TMEM132B: variants seen among roughly 807,000 people sequenced by gnomAD.
TMEM132B encodes transmembrane protein 132B.
TMEM132B carries 18 observed loss-of-function variants against 90.8 expected under a neutral mutation model. The observed-to-expected ratio is 0.20, with a 90% confidence interval of 0.14 to 0.29. The LOEUF is 0.29. Ranked by LOEUF, TMEM132B falls within the 10% of genes least tolerant of loss-of-function variation. The probability of loss-of-function intolerance (pLI) is 1.00; values close to 1 mark genes in which losing one functional copy is unlikely to be tolerated. For missense variants in TMEM132B, 1,096 were observed against 1,326.8 expected (o/e 0.83, Z 2.70); for synonymous variants, 504 against 523.3 (o/e 0.96, Z 0.50).
intron 1 of TMEM132B, among the ~76,000 whole-genome samples, chr12:125,281,957 G>A (rs1162738712): frequency 6.8e-6 from 1 of 147,012 alleles, no homozygotes; most frequent in Admixed American, 7.0e-5. Flanking sequence ...GAACCCGGGA[G>A]GCGGAGGTTG....
chr12:125,636,001 C>T (rs1379993387), intron 5 of TMEM132B, among the ~76,000 whole-genome samples: 1 of 152,166 alleles, frequency 6.6e-6, no homozygotes, highest in Non-Finnish European at 1.5e-5. Context: ...ATGCTCTCTG[C>T]AGCACACTGC....
intron 1 of TMEM132B, among the ~76,000 whole-genome samples, chr12:125,262,623 C>T (rs1874594452): frequency 6.6e-6 from 1 of 152,186 alleles, no homozygotes; most frequent in African/African-American, 2.4e-5. Flanking sequence ...CATTTATAAT[C>T]ATTCTTGAAC....
chr12:125,293,991 C>T (rs1293343406), intron 1 of TMEM132B, among the ~76,000 whole-genome samples: 2 of 152,210 alleles, frequency 1.3e-5, no homozygotes, highest in African/African-American at 4.8e-5. Flanking sequence ...GAAGCCCAAG[C>T]CACCCCGTTT....
At chr12:125,567,593 T>G (rs541206938) in intron 4 of TMEM132B, among the ~76,000 whole-genome samples, 15 of 152,308 alleles carry the variant, frequency 9.8e-5, no homozygotes, top group South Asian at 2.1e-4. Flanking sequence ...CAGGAAGGCT[T>G]ATTCATATTT....
Position 125,654,257 on chromosome 12 carries a change from C to T in TMEM132B, c.2799C>T (p.His933=). 1.2e-6 allele frequency: 2 copies of T among 1,614,058 alleles called. No individual in the cohort carries two copies. Among genetic ancestry groups the T allele is most frequent in the South Asian group, 1.1e-5 (1 of 91,068 alleles). The change falls in exon 9 of 9, where the codon CAC becomes CAT. Residue 933 remains histidine, a synonymous_variant. Transcript: ENST00000682704. This position sits in a 1 kb window ranked among gnomAD's most constrained non-coding sequence, Gnocchi z 5.8. ...NCVAFAWKYR[H]KRFAVSEQGN... ...TGGCGTTTGCCTGGAAATACAGACA[C>T]AAAAGGTTTGCTGTGAGTGAGCAGG...
intron 1 of TMEM132B, among the ~76,000 whole-genome samples, chr12:125,212,207 C>T (rs1322517374): frequency 1.3e-5 from 2 of 152,144 alleles, no homozygotes; most frequent in Non-Finnish European, 1.5e-5. Flanking sequence ...ACTCTGGCTC[C>T]CTGGTAGAAT....
At chr12:125,263,573 C>T (rs549988949) in intron 1 of TMEM132B, among the ~76,000 whole-genome samples, 80 of 152,128 alleles carry the variant, frequency 5.3e-4, no homozygotes, top group African/African-American at 1.4e-3. Context: ...TGTTTCTGGC[C>T]GTATCTTCAG....
At chr12:125,618,282 A>C (rs1346899612) in intron 5 of TMEM132B, among the ~76,000 whole-genome samples, 5 of 152,180 alleles carry the variant, frequency 3.3e-5, no homozygotes, top group Non-Finnish European at 1.5e-5. Context: ...CTTGCCATGC[A>C]TGGAGTGGGG....
Position 125,602,699 on chromosome 12 carries a change from C to T in TMEM132B, c.1437+18705C>T, listed in dbSNP as rs905396697. ...GTCTCTGTTTGTAGACGACATGATT[C>T]TATATTTTTAGAAAACCCCAGCATC... On this transcript the variant is annotated intron_variant, in intron 5 of 8. Coordinates refer to ENST00000682704, the MANE Select transcript of TMEM132B (RefSeq NM_001366854.1). Among the ~76,000 whole-genome samples, 4 of 152,090 alleles carry T rather than the reference C, an allele frequency of 2.6e-5. No homozygotes were observed. The South Asian group carries it at 8.3e-4, about 32-fold the overall frequency.
At position 125,550,115 on chromosome 12, in the gene TMEM132B, C is replaced by T. The variant is rs79511920; in HGVS notation, c.1293+30490C>T. Among the ~76,000 whole-genome samples, 71 of 152,290 alleles carry T rather than the reference C, an allele frequency of 4.7e-4. No homozygotes were observed. In the East Asian group the frequency reaches 0.01, roughly 22 times the overall value. The stretch of plus-strand genomic sequence containing the variant: ...GGTATCTTCTTCTTTCTGTTCCTGC[C>T]GCACAGCCCCCAGAGCCTGCAAGGG... On this transcript the variant is annotated intron_variant, in intron 4 of 8. Coordinates refer to ENST00000682704, the MANE Select transcript of TMEM132B (RefSeq NM_001366854.1).
chr12:125,624,106 A>G (rs1886174932), intron 5 of TMEM132B, among the ~76,000 whole-genome samples: 1 of 152,258 alleles, frequency 6.6e-6, no homozygotes, highest in South Asian at 2.1e-4. Context: ...GCAAACCAAC[A>G]GAGAGAGATA....
chr12:125,199,660 A>G (rs1296182019), intron 1 of TMEM132B, among the ~76,000 whole-genome samples: 1 of 152,122 alleles, frequency 6.6e-6, no homozygotes, highest in African/African-American at 2.4e-5. Flanking sequence ...GTAGCCCAGG[A>G]CTGTTAAGTT....
intron 2 of TMEM132B, among the ~76,000 whole-genome samples, chr12:125,400,264 C>T (rs926624481): frequency 4.6e-5 from 7 of 152,192 alleles, no homozygotes; most frequent in African/African-American, 9.7e-5. Context: ...CTTTCTTAGA[C>T]GAGAGATTAA....
intron 4 of TMEM132B, among the ~76,000 whole-genome samples, chr12:125,556,505 T>C (rs1884391036): frequency 6.6e-6 from 1 of 152,128 alleles, no homozygotes; most frequent in Non-Finnish European, 1.5e-5. Flanking sequence ...TGTCTTCCAC[T>C]TGAAGAGTGT....
At chr12:125,556,956 G>A (rs369569334) in intron 4 of TMEM132B, among the ~76,000 whole-genome samples, 12 of 151,900 alleles carry the variant, frequency 7.9e-5, no homozygotes, top group East Asian at 5.8e-4. Context: ...GAGTTTCACC[G>A]TGTTAGCCAG....
chr12:125,338,153 C>T (rs940530389), intron 1 of TMEM132B, among the ~76,000 whole-genome samples: 5 of 152,174 alleles, frequency 3.3e-5, no homozygotes, highest in South Asian at 2.1e-4. Context: ...TACTTTGGGC[C>T]AGGCACTCTG....
At chr12:125,413,097 G>A (rs1879902630) in intron 2 of TMEM132B, among the ~76,000 whole-genome samples, 2 of 152,078 alleles carry the variant, frequency 1.3e-5, no homozygotes, top group South Asian at 2.1e-4. Flanking sequence ...AATGAGATAT[G>A]CAGACATTTG....
chr12:125,521,527 AG>A (rs1385529579), intron 4 of TMEM132B, among the ~76,000 whole-genome samples: 4 of 152,226 alleles, frequency 2.6e-5, no homozygotes, highest in African/African-American at 9.6e-5. Flanking sequence ...TTAAGTACAC[AG>A]GGAATGAAAC....
At chr12:125,360,871 G>C (rs775877389) in intron 2 of TMEM132B, among the ~76,000 whole-genome samples, 5 of 151,906 alleles carry the variant, frequency 3.3e-5, no homozygotes, top group Non-Finnish European at 5.9e-5. Context: ...AATCAATAAG[G>C]CTTGGGGTGA....
Sources: gnomAD v4.1 joint callset for allele counts (sites outside exome capture counted in the v4.1 genomes callset) on GRCh38, gnomAD v4.1.1 for gene constraint, Gnocchi (gnomAD v3.1) non-coding constraint, MANE v1.5 for transcripts, NCBI Gene and HGNC (gene_info 2026-07-23, HGNC 2026-07-21) for gene names.